Variants in REN observed in about 807,000 individuals in gnomAD.
REN encodes angiotensin-forming enzyme.
Under a neutral mutation model 48.6 loss-of-function variants are expected in REN, and 42 were observed. That is an observed-to-expected ratio of 0.86 (90% CI 0.68 to 1.12). The LOEUF (loss-of-function observed/expected upper bound fraction) is 1.12, where lower values mean the gene tolerates loss of function less well. REN is among the 50% of genes most tolerant of loss of function. REN has a pLI of 0.00. For synonymous variants in REN, 196 were observed against 204.6 expected, an observed-to-expected ratio of 0.96 and a Z score of 0.36; for missense variants, 443 against 527.3, an observed-to-expected ratio of 0.84 and a Z score of 1.57.
At chr1:204,165,624 G>A (rs1051190890) in intron 1 of REN, among the ~76,000 whole-genome samples, 1 of 149,832 alleles carries the variant, frequency 6.7e-6, no homozygotes, top group African/African-American at 2.5e-5. Context: ...ATGGAGTCTT[G>A]TTCTGTCACT....
At chr1:204,166,171 C>T (rs201853365) in intron 1 of REN, 25 bp downstream of exon 1, 13 of 1,605,584 alleles carry the variant, frequency 8.1e-6, no homozygotes, top group African/African-American at 2.7e-5. Context: ...CCTCCCACCC[C>T]TTCTCTGCCT....
rs1425740430 is a variant in REN at position 204,154,948 on chromosome 1, G to T, written c.*68C>A. On this transcript the variant is annotated 3_prime_UTR_variant, in exon 10 of 10. Coordinates refer to ENST00000272190, the MANE Select transcript of REN (RefSeq NM_000537.4). ...TGAGGGCATAAGCCCAGGCAGAGGGGCATCTCAGAGAGTGTTCCAGCTCTG... is the reference window on the plus strand; with the variant it reads ...TGAGGGCATAAGCCCAGGCAGAGGGTCATCTCAGAGAGTGTTCCAGCTCTG... The T allele has an allele frequency of 6.4e-7, 1 of 1,569,166 alleles. No homozygotes were observed. Among genetic ancestry groups the T allele is most frequent in the Non-Finnish European group, 8.7e-7 (1 of 1,146,518 alleles).
At chr1:204,155,413 C>T (rs1658130777) in intron 9 of REN, among the ~76,000 whole-genome samples, 1 of 152,210 alleles carries the variant, frequency 6.6e-6, no homozygotes, top group African/African-American at 2.4e-5. Flanking sequence ...ACCGTGCTTC[C>T]TTCAGGAGCT....
At chr1:204,160,998 C>CT (rs1658236501) in intron 3 of REN, among the ~76,000 whole-genome samples, 2 of 152,168 alleles carry the variant, frequency 1.3e-5, no homozygotes, top group Non-Finnish European at 2.9e-5. Context: ...GGAAGAGTTC[C>CT]GAGTGCCTGG....
chr1:204,162,866 C>G (rs1346416489), intron 1 of REN, among the ~76,000 whole-genome samples: 1 of 152,208 alleles, frequency 6.6e-6, no homozygotes, highest in Non-Finnish European at 1.5e-5. Flanking sequence ...TAGATGTTTT[C>G]CCATCACCTT....
intron 5 of REN, among the ~76,000 whole-genome samples, chr1:204,158,299 A>C (rs1658186124): frequency 6.6e-6 from 1 of 151,486 alleles, no homozygotes; most frequent in Admixed American, 6.6e-5. Flanking sequence ...TCAAGGCCTC[A>C]CTTTCTATCA....
chr1:204,160,011 G>A (rs140694317), intron 4 of REN, among the ~76,000 whole-genome samples: 15 of 152,312 alleles, frequency 9.8e-5, no homozygotes, highest in Non-Finnish European at 2.1e-4. Context: ...AAAAAGGAAG[G>A]GAGGCAGGAA....
At chr1:204,158,094 A>C (rs947355787) in intron 5 of REN, among the ~76,000 whole-genome samples, 1 of 142,264 alleles carries the variant, frequency 7.0e-6, no homozygotes, top group African/African-American at 2.7e-5. Flanking sequence ...CTGCTTCTGG[A>C]TCTCACCCCC....
At chr1:204,159,774 C>G (rs1456850582) in intron 4 of REN, among the ~76,000 whole-genome samples, 179 bp from the exon 5 acceptor site, 1 of 152,178 alleles carries the variant, frequency 6.6e-6, no homozygotes, top group East Asian at 1.9e-4. Context: ...ATCTCTGCTG[C>G]GGAGCCCAGA....
rs121917741 is a variant in REN at position 204,162,117 on chromosome 1, G to A, written c.145C>T (p.Arg49Ter). ...CCAAGCCTGGCCATGTCCACACCTC[G>A]TTCCTTCAGGCTTTCTCGGATTGAG... ...MPSIRESLKE[R>*]GVDMARLGPE... is the part of the protein sequence containing the mutation. The change falls in exon 2 of 10, where the codon CGA becomes TGA. Residue 49 changes from arginine (R) to a stop codon, truncating the protein, a stop_gained. Coordinates refer to ENST00000272190, the MANE Select transcript of REN (RefSeq NM_000537.4). LOFTEE classifies it high-confidence loss of function. 3.0e-5 allele frequency: 49 copies of A among 1,613,958 alleles called. No individual in the cohort carries two copies. Among genetic ancestry groups the A allele is most frequent in the Non-Finnish European group, 3.3e-5 (39 of 1,180,026 alleles).
At chr1:204,155,715 G>T in intron 9 of REN, 105 bp downstream of exon 9, 1 of 932,544 alleles carries the variant, frequency 1.1e-6, no homozygotes, top group South Asian at 1.4e-5. Flanking sequence ...AGCCAAGTTT[G>T]AGAACTACAG....
intron 3 of REN, 52 bp from the exon 4 acceptor site, chr1:204,160,730 G>C: frequency 7.7e-7 from 1 of 1,299,898 alleles, no homozygotes; most frequent in Non-Finnish European, 1.1e-6. Flanking sequence ...CAGACAGGGG[G>C]ACTCAGAGGC....
intron 1 of REN, among the ~76,000 whole-genome samples, chr1:204,163,074 C>T (rs562103240): frequency 3.3e-5 from 5 of 152,246 alleles, no homozygotes; most frequent in South Asian, 2.1e-4. Flanking sequence ...CCCTGGGTCC[C>T]GACATAAAGG....
At chr1:204,155,468 C>T (rs1246567498) in intron 9 of REN, among the ~76,000 whole-genome samples, 1 of 152,226 alleles carries the variant, frequency 6.6e-6, no homozygotes, top group African/African-American at 2.4e-5. Context: ...TATTCAACTT[C>T]TCTAAGCCTA....
In REN at chr1:204,155,938, G is replaced by T; in HGVS notation, c.961-20C>A. The T allele has an allele frequency of 6.3e-7, 1 of 1,591,364 alleles. No individual in the cohort carries two copies. The highest frequency in any genetic ancestry group is 1.1e-5 in the South Asian group (1 of 90,606). ...GACATACTGGGGTGGGGGGCAAAGAGAGCCTTCTTGAGTATGGAAGACGTC... is the reference window on the plus strand; with the variant it reads ...GACATACTGGGGTGGGGGGCAAAGATAGCCTTCTTGAGTATGGAAGACGTC... On this transcript the variant is annotated intron_variant, in intron 8 of 9. Transcript: ENST00000272190.
At position 204,157,368 on chromosome 1, in the gene REN, C is replaced by T. The variant is rs759698625; in HGVS notation, c.691G>A (p.Asp231Asn). 6.2e-6 allele frequency: 10 copies of T among 1,614,252 alleles called. No homozygotes were observed. The highest frequency in any genetic ancestry group is 8.5e-6 in the Non-Finnish European group (10 of 1,180,046). The change falls in exon 6 of 10, where the codon GAT (aspartate) becomes AAT (asparagine). Residue 231 changes from aspartate (D) to asparagine (N), a missense_variant and splice_region_variant. Asp to Asn is a conservative substitution (Grantham distance 23). Coordinates refer to ENST00000272190, the MANE Select transcript of REN (RefSeq NM_000537.4). ...GGGGTTTTGTCTCCTTACTCGGAATCTCTGCAGAGAAAGAGAGACAGCAGA... is the reference window on the plus strand; with the variant it reads ...GGGGTTTTGTCTCCTTACTCGGAATTTCTGCAGAGAAAGAGAGACAGCAGA... ...EDVFSFYYNR[D>N]SENSQSLGGQ...
intron 2 of REN, 95 bp from the exon 3 acceptor site, chr1:204,161,510 G>T: frequency 8.0e-7 from 1 of 1,255,538 alleles, no homozygotes; most frequent in East Asian, 2.8e-5. Flanking sequence ...TGTGAGACTT[G>T]GCCCAGGCGA....
At chr1:204,159,158 C>A (rs1658199830) in intron 5 of REN, among the ~76,000 whole-genome samples, 1 of 152,224 alleles carries the variant, frequency 6.6e-6, no homozygotes, top group Non-Finnish European at 1.5e-5. Flanking sequence ...GGCTGCCAGG[C>A]ATTTGACGTG....
intron 1 of REN, among the ~76,000 whole-genome samples, chr1:204,164,299 C>A (rs1223300638): frequency 6.6e-6 from 1 of 152,202 alleles, no homozygotes; most frequent in African/African-American, 2.4e-5. Flanking sequence ...TGTGTTGAGG[C>A]TTAGCCTCTT....
Sources: allele counts gnomAD v4.1 joint callset (sites outside exome capture counted in the v4.1 genomes callset), GRCh38; gene constraint gnomAD v4.1.1; transcripts MANE v1.5; gene names NCBI Gene and HGNC (gene_info 2026-07-23, HGNC 2026-07-21).